The following AGO4 variants were observed in gnomAD, a reference collection of about 807,000 sequenced individuals.
AGO4 encodes protein argonaute-4.
Under a neutral mutation model 104.7 loss-of-function variants are expected in AGO4, and 33 were observed. The ratio of observed to expected loss-of-function variants is 0.32; its 90% CI spans 0.24 to 0.42. AGO4 has a LOEUF of 0.42. Among genes scored for constraint, AGO4 ranks in the 10% least tolerant of loss-of-function variants. The pLI, the probability that AGO4 is intolerant of heterozygous loss-of-function variation, is 1.00. For missense variants in AGO4, 711 were observed against 1,083.4 expected (o/e 0.66, Z 4.83); for synonymous variants, 331 against 364.7 (o/e 0.91, Z 1.05).
At chr1:35,840,260 T>C (rs1644408583) in intron 13 of AGO4, among the ~76,000 whole-genome samples, 1 of 151,476 alleles carries the variant, frequency 6.6e-6, no homozygotes, top group Admixed American at 6.6e-5. Flanking sequence ...CTGGTTCAAG[T>C]GATTCTCCTG....
intron 7 of AGO4, among the ~76,000 whole-genome samples, chr1:35,828,443 C>T (rs565112685): frequency 7.2e-4 from 109 of 152,268 alleles, no homozygotes; most frequent in Admixed American, 1.2e-3. Flanking sequence ...TCACTTCTTA[C>T]AGCTGTTGGT....
intron 2 of AGO4, among the ~76,000 whole-genome samples, chr1:35,821,212 T>C (rs1643880332): frequency 6.6e-6 from 1 of 152,240 alleles, no homozygotes; most frequent in South Asian, 2.1e-4. Flanking sequence ...GAGAAATTAC[T>C]CTTTTCTAGT....
intron 5 of AGO4, 24 bp from the exon 6 acceptor site, chr1:35,825,902 G>A: frequency 6.2e-7 from 1 of 1,611,612 alleles, no homozygotes; most frequent in Non-Finnish European, 8.5e-7. Context: ...TCCCTGAAGT[G>A]AAGTATCCTT....
chr1:35,823,249 GA>G (rs1281740060), intron 3 of AGO4, among the ~76,000 whole-genome samples: 4 of 150,430 alleles, frequency 2.7e-5, no homozygotes, highest in South Asian at 2.1e-4. Flanking sequence ...TCAATTCTTA[GA>G]AATTTTTTTT....
chr1:35,829,436 A>G (rs1284307139), intron 7 of AGO4, among the ~76,000 whole-genome samples: 2 of 152,204 alleles, frequency 1.3e-5, no homozygotes, highest in African/African-American at 4.8e-5. Context: ...AATTAGACTT[A>G]TAGACGTATA....
chr1:35,818,625 A>AAAG lies in AGO4; in HGVS notation c.185+1580_185+1581insGAA, dbSNP rs1643789826. Among the ~76,000 whole-genome samples, 6 of 126,114 alleles carry AAAG rather than the reference A, an allele frequency of 4.8e-5. No individual in the cohort carries two copies. In the East Asian group the frequency reaches 1.3e-3, roughly 27 times the overall value. 82.7% of individuals were successfully genotyped at this position (126,114 alleles called of 152,430 possible). A position where few individuals can be genotyped will look rare whatever the true frequency, so the allele number is the denominator to read the frequency against. On this transcript the variant is annotated intron_variant, in intron 2 of 17. Transcript: ENST00000373210. Reference sequence around the variant, plus strand: ...GGCAACAGAGGGAGACTCTGTCTCAAAAAGAAAGAAAGAAAGAAAGAAAGA... The same window carrying AAAG: ...GGCAACAGAGGGAGACTCTGTCTCAAAAGAAAGAAAGAAAGAAAGAAAGAAAGA...
At chr1:35,851,785 G>A (rs1011699473) in intron 17 of AGO4, among the ~76,000 whole-genome samples, 5 of 152,190 alleles carry the variant, frequency 3.3e-5, no homozygotes, top group Non-Finnish European at 7.3e-5. Context: ...ATTCCGTAAT[G>A]TGCTTTCATT....
At chr1:35,829,840 TAAAAAA>T (rs752406279) in intron 7 of AGO4, among the ~76,000 whole-genome samples, 4 of 62,172 alleles carry the variant, frequency 6.4e-5, no homozygotes, top group Non-Finnish European at 8.7e-5. Context: ...GACTACATCT[TAAAAAA>T]AAAAAAAAAA....
At chr1:35,811,108 G>A (rs1313212398) in intron 1 of AGO4, among the ~76,000 whole-genome samples, 2 of 151,702 alleles carry the variant, frequency 1.3e-5, no homozygotes, top group Admixed American at 6.6e-5. Context: ...AGCTGAGATC[G>A]CACCTCAAAA....
rs1468873821 is a variant in AGO4 at position 35,841,600 on chromosome 1, C to T, written c.2041-16C>T. The T allele has an allele frequency of 6.2e-7, 1 of 1,613,838 alleles. No homozygotes were observed. Among genetic ancestry groups the T allele is most frequent in the African/African-American group, 1.3e-5 (1 of 74,860 alleles). On this transcript the variant is annotated splice_polypyrimidine_tract_variant and intron_variant, in intron 14 of 17. Transcript: ENST00000373210. The surrounding 1 kb of genome is among the most constrained non-coding windows in gnomAD (Gnocchi z 4.7). ...GCAAATTCTCAATTAAACATAATTC[C>T]ATTTCTGTCTTCTAGGTAGCTTGGC...
In AGO4 at chr1:35,808,685, C is replaced by T. The variant is rs1643386729; in HGVS notation, c.19+250C>T. 6.6e-6 allele frequency among the ~76,000 whole-genome samples: 1 copy of T among 152,130 alleles called. No individual in the cohort carries two copies. The highest frequency in any genetic ancestry group is 1.5e-5 in the Non-Finnish European group (1 of 68,004). On this transcript the variant is annotated intron_variant, in intron 1 of 17. Transcript: ENST00000373210. This position sits in a 1 kb window ranked among gnomAD's most constrained non-coding sequence, Gnocchi z 5.2. ...CGGGAAGGTGACCGGCGCTGCCGGG[C>T]GGAGGCCACTCTTGGCCCCACCTCG...
At position 35,831,450 on chromosome 1, in the gene AGO4, G is replaced by T; in HGVS notation, c.872G>T (p.Gly291Val). ...AGTTTTCCTTTGCAGCTAGAAAACG[G>T]TCAAGCTATGGAATGTACAGTAGCT... ...HQTFPLQLENGQAMECTVAQY... is the reference protein window; with the variant it reads ...HQTFPLQLENVQAMECTVAQY... The change falls in exon 8 of 18, where the codon GGT becomes GTT. Residue 291 changes from glycine to valine, a missense_variant. Physicochemically the swap from Gly to Val is moderately radical, Grantham distance 109. Coordinates refer to ENST00000373210, the MANE Select transcript of AGO4 (RefSeq NM_017629.4). 3.1e-6 allele frequency: 5 copies of T among 1,609,298 alleles called. No homozygotes were observed. Among genetic ancestry groups the T allele is most frequent in the Non-Finnish European group, 4.2e-6 (5 of 1,178,764 alleles).
chr1:35,833,863 A>G (rs1393877158), intron 11 of AGO4, 127 bp from the exon 12 acceptor site: 2 of 816,362 alleles, frequency 2.4e-6, no homozygotes, highest in African/African-American at 1.8e-5. Flanking sequence ...ATTTTTATTT[A>G]TTTGTTTACT....
chr1:35,815,067 G>T (rs192114511), intron 1 of AGO4, among the ~76,000 whole-genome samples: 1 of 152,108 alleles, frequency 6.6e-6, no homozygotes, highest in Non-Finnish European at 1.5e-5. Flanking sequence ...TAGTAGAGAC[G>T]GGGTTTTACT....
Position 35,825,466 on chromosome 1 carries a change from G to A in AGO4, c.460G>A (p.Val154Ile). 1 of 1,614,166 alleles carries A rather than the reference G, an allele frequency of 6.2e-7. No individual in the cohort carries two copies. The highest frequency in any genetic ancestry group is 8.5e-7 in the Non-Finnish European group (1 of 1,180,018). ...AGATGACTCAGTACAAGCACTTGATGTTATCACAAGACACCTTCCCTCCAT... is the reference window on the plus strand; with the variant it reads ...AGATGACTCAGTACAAGCACTTGATATTATCACAAGACACCTTCCCTCCAT... ...VPDDSVQALDVITRHLPSMRY... is the reference protein window; with the variant it reads ...VPDDSVQALDIITRHLPSMRY... Residue 154 changes from valine (V) to isoleucine (I), a missense_variant, in exon 4 of 18, where the codon GTT becomes ATT. By Grantham distance (29) the Val-to-Ile change is conservative. Coordinates refer to ENST00000373210, the MANE Select transcript of AGO4 (RefSeq NM_017629.4).
rs1643396237 is a variant in AGO4 at position 35,808,908 on chromosome 1, G to A, written c.19+473G>A. ...CAGATGGTCCAGAGCCTTCAGATGA[G>A]GAAGAAGAACTTCATCCAAACACCT... On this transcript the variant is annotated intron_variant, in intron 1 of 17. Transcript: ENST00000373210. This position sits in a 1 kb window ranked among gnomAD's most constrained non-coding sequence, Gnocchi z 5.2. Among the ~76,000 whole-genome samples the A allele has an allele frequency of 1.3e-5, 2 of 152,224 alleles. No homozygotes were observed. Among genetic ancestry groups the A allele is most frequent in the African/African-American group, 4.8e-5 (2 of 41,468 alleles).
intron 6 of AGO4, 115 bp from the exon 7 acceptor site, chr1:35,826,632 AT>A: frequency 2.1e-6 from 2 of 932,542 alleles, no homozygotes; most frequent in Non-Finnish European, 3.4e-6. Context: ...TTGTCCCCAT[AT>A]TCTTGCAATT....
intron 15 of AGO4, among the ~76,000 whole-genome samples, chr1:35,849,834 G>A (rs1336408252): frequency 6.6e-6 from 1 of 151,968 alleles, no homozygotes; most frequent in Non-Finnish European, 1.5e-5. Context: ...TATCTTAAAT[G>A]TTAAATGTTT....
chr1:35,816,181 T>A (rs962753302), intron 1 of AGO4, among the ~76,000 whole-genome samples: 1 of 152,192 alleles, frequency 6.6e-6, no homozygotes, highest in Non-Finnish European at 1.5e-5. Context: ...TTGTGAGAGA[T>A]TAGTAGGTCA....
Sources: gnomAD v4.1 joint callset for allele counts (sites outside exome capture counted in the v4.1 genomes callset) on GRCh38, gnomAD v4.1.1 for gene constraint, Gnocchi (gnomAD v3.1) non-coding constraint, MANE v1.5 for transcripts, NCBI Gene and HGNC (gene_info 2026-07-23, HGNC 2026-07-21) for gene names.